CSMD2: variants seen among roughly 807,000 people sequenced by gnomAD.
CSMD2 encodes CUB and sushi domain-containing protein 2.
In CSMD2, 130 loss-of-function variants were observed where a neutral mutation model predicts 398.5. The observed-to-expected ratio is 0.33, with a 90% confidence interval of 0.28 to 0.38. The LOEUF (loss-of-function observed/expected upper bound fraction) is 0.38. CSMD2 is among the 10% of genes least tolerant of loss of function. CSMD2 has a pLI of 1.00. For missense variants in CSMD2, 3,829 were observed against 4,764.9 expected, an observed-to-expected ratio of 0.80 and a Z score of 5.78; for synonymous variants, 1,828 against 1,908.5, an observed-to-expected ratio of 0.96 and a Z score of 1.10.
At chr1:33,652,278 GC>G in intron 28 of CSMD2, 44 bp downstream of exon 28, 1 of 1,601,184 alleles carries the variant, frequency 6.2e-7, no homozygotes, top group Non-Finnish European at 8.5e-7. Context: ...AGAGCCCCTA[GC>G]CACTCTGAAC....
intron 13 of CSMD2, among the ~76,000 whole-genome samples, chr1:33,768,826 T>G (rs1481054279): frequency 6.6e-6 from 1 of 152,168 alleles, no homozygotes; most frequent in African/African-American, 2.4e-5. Flanking sequence ...GATTTGTAAC[T>G]TAAATCGTAT....
intron 3 of CSMD2, among the ~76,000 whole-genome samples, chr1:33,973,983 C>T (rs1645866811): frequency 6.6e-6 from 1 of 152,182 alleles, no homozygotes; most frequent in African/African-American, 2.4e-5. Context: ...CTGGCCACTT[C>T]CCTTCTTCTG....
intron 3 of CSMD2, among the ~76,000 whole-genome samples, chr1:33,939,501 G>T (rs905706644): frequency 1.3e-5 from 2 of 152,048 alleles, no homozygotes; most frequent in African/African-American, 4.8e-5. Flanking sequence ...TAGAACTAAC[G>T]TGTCATTTTC....
chr1:33,944,999 TGG>T lies in CSMD2; in HGVS notation c.518-9047_518-9046del, dbSNP rs200317366. The stretch of plus-strand genomic sequence containing the variant: ...ACCCACATCCAGTCAGAGCTCTCCT[TGG>T]CCCCTTTCCTCCAACCTAGACTAGC... On this transcript the variant is annotated intron_variant, in intron 3 of 70. Coordinates refer to ENST00000373381, the MANE Select transcript of CSMD2 (RefSeq NM_001281956.2). Among the ~76,000 whole-genome samples, 1,215 of 152,166 alleles carry T rather than the reference TGG, an allele frequency of 8.0e-3. 11 individuals carry two copies. The highest frequency in any genetic ancestry group is 0.013 in the Non-Finnish European group (895 of 68,018).
At chr1:34,152,322 A>G (rs1013097857) in intron 1 of CSMD2, among the ~76,000 whole-genome samples, 1 of 152,178 alleles carries the variant, frequency 6.6e-6, no homozygotes, top group Non-Finnish European at 1.5e-5. Flanking sequence ...TGTGGAAGAA[A>G]AAGGATCCCC....
intron 20 of CSMD2, 145 bp from the exon 21 acceptor site, chr1:33,714,920 A>C: frequency 1.3e-6 from 1 of 751,318 alleles, no homozygotes; most frequent in Non-Finnish European, 2.2e-6. Flanking sequence ...ACTGGCCCAC[A>C]AAAGGTGACA....
chr1:33,574,782 C>T (rs16835605), intron 49 of CSMD2, among the ~76,000 whole-genome samples: 14,775 of 152,242 alleles, frequency 0.097, 822 homozygotes, highest in African/African-American at 0.14. Flanking sequence ...AGTGTTTAAA[C>T]ATGAGACTCT....
Position 33,716,159 on chromosome 1 carries a change from G to A in CSMD2, c.3217+127C>T, listed in dbSNP as rs551675974. The A allele has an allele frequency of 1.4e-5, 11 of 767,204 alleles. No individual in the cohort carries two copies. In the South Asian group the frequency reaches 1.6e-4, roughly 11 times the overall value. 47.5% of individuals were successfully genotyped at this position (767,204 alleles called of 1,614,324 possible). ...CAAGCATCTTTTGCTGAAGCACTAAGGTCAACTTCCCAGGGACTGGAGAGT... is the reference window on the plus strand; with the variant it reads ...CAAGCATCTTTTGCTGAAGCACTAAAGTCAACTTCCCAGGGACTGGAGAGT... On this transcript the variant is annotated intron_variant, in intron 20 of 70. Transcript: ENST00000373381.
Position 33,962,719 on chromosome 1 carries a change from C to A in CSMD2, c.518-26765G>T, listed in dbSNP as rs145157284. ...CCCTCTGCCTGGAATAATCTTCCTCCCCCAAATCAGCAAGATTGACTCCCT... is the reference window on the plus strand; with the variant it reads ...CCCTCTGCCTGGAATAATCTTCCTCACCCAAATCAGCAAGATTGACTCCCT... On this transcript the variant is annotated intron_variant, in intron 3 of 70. Coordinates refer to ENST00000373381, the MANE Select transcript of CSMD2 (RefSeq NM_001281956.2). Among the ~76,000 whole-genome samples, 500 of 152,254 alleles carry A rather than the reference C, an allele frequency of 3.3e-3. 3 individuals are homozygous for A. Among genetic ancestry groups the A allele is most frequent in the African/African-American group, 0.01 (432 of 41,546 alleles).
At chr1:33,982,828 G>T (rs1263237769) in intron 3 of CSMD2, among the ~76,000 whole-genome samples, 2 of 152,216 alleles carry the variant, frequency 1.3e-5, no homozygotes, top group Admixed American at 6.5e-5. Flanking sequence ...GTGGGTGAAG[G>T]GGTAGGCAGA....
chr1:33,924,688 CTTTGCCAACATCTGTTG>C (rs1177057204), intron 4 of CSMD2, among the ~76,000 whole-genome samples: 1 of 152,172 alleles, frequency 6.6e-6, no homozygotes, highest in Non-Finnish European at 1.5e-5. Context: ...TTCTCCATAT[CTTTGCCAACATCTGTTG>C]TTTTTTGCTT....
In CSMD2 at chr1:34,088,244, G is replaced by A. The variant is rs980288472; in HGVS notation, c.404+733C>T. Among the ~76,000 whole-genome samples, 74 of 152,224 alleles carry A rather than the reference G, an allele frequency of 4.9e-4. 1 individual carries two copies. The highest frequency in any genetic ancestry group is 1.7e-3 in the African/African-American group (71 of 41,460). On this transcript the variant is annotated intron_variant, in intron 2 of 70. Transcript: ENST00000373381. ...TAAGCCATTAACCCTTTGGCTTCCT[G>A]TAGAGCCGGGAAGCCACGCTGACCT... is the stretch of plus-strand genomic sequence containing the variant.
intron 44 of CSMD2, among the ~76,000 whole-genome samples, chr1:33,596,077 C>T (rs957150888): frequency 2.6e-5 from 4 of 152,170 alleles, no homozygotes; most frequent in African/African-American, 4.8e-5. Context: ...ATAGTTCTAA[C>T]CCTCTTCTCT....
At chr1:33,603,201 G>A (rs1232010807) in intron 42 of CSMD2, among the ~76,000 whole-genome samples, 2 of 152,220 alleles carry the variant, frequency 1.3e-5, no homozygotes, top group East Asian at 1.9e-4. Flanking sequence ...CCCAGGCCCT[G>A]GAAGAGGACG....
intron 2 of CSMD2, among the ~76,000 whole-genome samples, chr1:34,043,605 A>G (rs1228848835): frequency 6.6e-6 from 1 of 152,230 alleles, no homozygotes; most frequent in Non-Finnish European, 1.5e-5. Flanking sequence ...TATAGAGTCA[A>G]TAAATGACGG....
intron 52 of CSMD2, among the ~76,000 whole-genome samples, 174 bp from the exon 53 acceptor site, chr1:33,568,015 CT>C (rs1479957731): frequency 1.3e-5 from 2 of 152,208 alleles, no homozygotes; most frequent in East Asian, 3.9e-4. Context: ...TGGCCACTCA[CT>C]TCTGAGCTTC....
intron 5 of CSMD2, among the ~76,000 whole-genome samples, chr1:33,880,261 A>G (rs1181330138): frequency 6.6e-6 from 1 of 152,214 alleles, no homozygotes; most frequent in African/African-American, 2.4e-5. Flanking sequence ...AGCTCTGCCA[A>G]CTTACTGCTT....
chr1:33,536,875 A>G (rs1655844622), intron 62 of CSMD2, 147 bp downstream of exon 62: 2 of 713,248 alleles, frequency 2.8e-6, no homozygotes, highest in Non-Finnish European at 4.8e-6. Context: ...AGCACTGTTC[A>G]AAGAGGCAGA....
chr1:34,032,295 A>G (rs1396872116), intron 3 of CSMD2, among the ~76,000 whole-genome samples: 1 of 152,154 alleles, frequency 6.6e-6, no homozygotes, highest in African/African-American at 2.4e-5. Flanking sequence ...CCAATATAAA[A>G]CAGAATTAAA....
Sources: allele counts gnomAD v4.1 joint callset (sites outside exome capture counted in the v4.1 genomes callset), GRCh38; gene constraint gnomAD v4.1.1; transcripts MANE v1.5; gene names NCBI Gene and HGNC (gene_info 2026-07-23, HGNC 2026-07-21).